Variants in SLC38A11 observed in about 807,000 individuals in gnomAD.
SLC38A11 encodes the protein solute carrier family 38 member 11.
A neutral mutation model predicts 49.4 loss-of-function variants in SLC38A11; 51 were observed. That is an observed-to-expected ratio of 1.03 (90% CI 0.83 to 1.30). SLC38A11 has a LOEUF of 1.30. Ranked by LOEUF, SLC38A11 falls within the 50% of genes most tolerant of loss-of-function variation. The pLI, the probability that SLC38A11 is intolerant of heterozygous loss-of-function variation, is 0.00. For synonymous variants in SLC38A11, 203 were observed against 192.9 expected (o/e 1.05, Z -0.43); for missense variants, 574 against 556.2 (o/e 1.03, Z -0.32).
chr2:164,899,298 A>G (rs1684503448), intron 11 of SLC38A11, among the ~76,000 whole-genome samples: 1 of 152,152 alleles, frequency 6.6e-6, no homozygotes, highest in Non-Finnish European at 1.5e-5. Flanking sequence ...TCTTTCAAAT[A>G]AAAGTAAGCA....
chr2:164,948,777 C>T (rs1338342137), intron 3 of SLC38A11, among the ~76,000 whole-genome samples: 1 of 152,120 alleles, frequency 6.6e-6, no homozygotes, highest in African/African-American at 2.4e-5. Flanking sequence ...CCAACTTCCC[C>T]TCTCTCCATT....
chr2:164,902,033 C>CT (rs60476941), intron 11 of SLC38A11, among the ~76,000 whole-genome samples: 33,347 of 133,260 alleles, frequency 0.25, 5,151 homozygotes, highest in South Asian at 0.47. Context: ...TTTTCTCTCT[C>CT]TTTTTTTTTT....
chr2:164,924,473 CA>C (rs2105476341), intron 7 of SLC38A11, among the ~76,000 whole-genome samples: 1 of 152,278 alleles, frequency 6.6e-6, no homozygotes, highest in Non-Finnish European at 1.5e-5. Context: ...ACCCATGTAA[CA>C]AACCTGCACC....
chr2:164,923,334 G>A (rs1481600207), intron 7 of SLC38A11, among the ~76,000 whole-genome samples: 1 of 152,106 alleles, frequency 6.6e-6, no homozygotes, highest in Admixed American at 6.5e-5. Flanking sequence ...ATATGACAAA[G>A]TTCCAATATC....
chr2:164,901,577 A>G (rs1684653176), intron 11 of SLC38A11, among the ~76,000 whole-genome samples: 1 of 152,166 alleles, frequency 6.6e-6, no homozygotes, highest in South Asian at 2.1e-4. Context: ...TGTGTATAAA[A>G]ATGCTACTGA....
intron 5 of SLC38A11, among the ~76,000 whole-genome samples, chr2:164,941,868 G>C (rs556800726): frequency 2.2e-4 from 33 of 152,056 alleles, no homozygotes; most frequent in African/African-American, 7.7e-4. Context: ...GCATGTTATA[G>C]AACAAGTTGT....
intron 5 of SLC38A11, among the ~76,000 whole-genome samples, chr2:164,943,883 G>T (rs1210738274): frequency 3.3e-5 from 5 of 151,980 alleles, no homozygotes; most frequent in African/African-American, 7.2e-5. Context: ...TTGAGACAGG[G>T]TCTCACTCTG....
At chr2:164,948,313 C>A (rs1047169746) in intron 3 of SLC38A11, among the ~76,000 whole-genome samples, 4 of 152,164 alleles carry the variant, frequency 2.6e-5, no homozygotes, top group Admixed American at 2.6e-4. Context: ...TGATAACAAC[C>A]ACAAACTACT....
chr2:164,919,902 A>T (rs753223738), intron 7 of SLC38A11, among the ~76,000 whole-genome samples: 1 of 152,074 alleles, frequency 6.6e-6, no homozygotes, highest in Non-Finnish European at 1.5e-5. Flanking sequence ...CTCCCCCCTT[A>T]TCTATAGGGT....
intron 1 of SLC38A11, 76 bp downstream of exon 1, chr2:164,955,133 G>C (rs1574031891): frequency 1.4e-6 from 2 of 1,386,284 alleles, no homozygotes; most frequent in East Asian, 5.0e-5. Context: ...GGTGAAGGTA[G>C]GTGACCTGAC....
intron 9 of SLC38A11, among the ~76,000 whole-genome samples, chr2:164,914,046 G>C (rs932794058): frequency 6.6e-6 from 1 of 151,910 alleles, no homozygotes; most frequent in African/African-American, 2.4e-5. Context: ...ACTTTCAGAG[G>C]GTCATGGTTG....
intron 6 of SLC38A11, among the ~76,000 whole-genome samples, chr2:164,938,844 A>G (rs1687553392): frequency 6.6e-6 from 1 of 152,184 alleles, no homozygotes; most frequent in Non-Finnish European, 1.5e-5. Flanking sequence ...TATTTTGGGT[A>G]AAATACAAAT....
chr2:164,942,519 C>T (rs972900131), intron 5 of SLC38A11, among the ~76,000 whole-genome samples: 1 of 151,560 alleles, frequency 6.6e-6, no homozygotes, highest in Non-Finnish European at 1.5e-5. Flanking sequence ...CAAAGAAAAC[C>T]CCCCACAAAA....
chr2:164,897,589 T>A lies in SLC38A11; in HGVS notation c.*848A>T, dbSNP rs1329207180. ...TCTCTCTGAGGAACCCCCAGTGGACTGAGAAAGCTTCTTCTGTAGCCCTGA... is the reference window on the plus strand; with the variant it reads ...TCTCTCTGAGGAACCCCCAGTGGACAGAGAAAGCTTCTTCTGTAGCCCTGA... On this transcript the variant is annotated 3_prime_UTR_variant, in exon 12 of 12. Transcript: ENST00000685975. 1 of 152,248 alleles carries A rather than the reference T, an allele frequency of 6.6e-6. No homozygotes were observed. Among genetic ancestry groups the A allele is most frequent in the Non-Finnish European group, 1.5e-5 (1 of 68,098 alleles). The allele number at this position is 152,248 out of a possible 1,614,324, so 9.4% of individuals were successfully genotyped here.
intron 3 of SLC38A11, among the ~76,000 whole-genome samples, chr2:164,952,052 G>A (rs1688559064): frequency 6.6e-6 from 1 of 152,164 alleles, no homozygotes; most frequent in Admixed American, 6.5e-5. Flanking sequence ...GAGATGGTGG[G>A]ATGACAAGGC....
chr2:164,952,295 C>G (rs368066120), intron 3 of SLC38A11, among the ~76,000 whole-genome samples: 1 of 152,096 alleles, frequency 6.6e-6, no homozygotes, highest in South Asian at 2.1e-4. Flanking sequence ...GGTTGATCAC[C>G]AGAGCTTCAT....
At chr2:164,953,718 G>T (rs1402651525) in intron 2 of SLC38A11, among the ~76,000 whole-genome samples, 1 of 151,956 alleles carries the variant, frequency 6.6e-6, no homozygotes, top group African/African-American at 2.4e-5. Flanking sequence ...AGTAATTCAA[G>T]AGTAAGAAAA....
intron 3 of SLC38A11, among the ~76,000 whole-genome samples, chr2:164,947,098 T>C (rs1439181637): frequency 2.7e-5 from 4 of 149,366 alleles, no homozygotes; most frequent in Non-Finnish European, 4.4e-5. Flanking sequence ...AAGTCCTGGA[T>C]TCTTGGACTT....
Position 164,895,821 on chromosome 2 carries a change from G to T in SLC38A11, c.*2616C>A, listed in dbSNP as rs1387724437. 1 of 152,130 alleles carries T rather than the reference G, an allele frequency of 6.6e-6. No homozygotes were observed. The highest frequency in any genetic ancestry group is 1.5e-5 in the Non-Finnish European group (1 of 68,024). 9.4% of individuals were successfully genotyped at this position (152,130 alleles called of 1,614,324 possible). A position where few individuals can be genotyped will look rare whatever the true frequency, so the allele number is the denominator to read the frequency against. On this transcript the variant is annotated 3_prime_UTR_variant, in exon 12 of 12. Transcript: ENST00000685975. ...TTTGAAGATGGTTCAAGTTAGTTTT[G>T]ATAATAAAGATTCTATAATAAGTGA...
Sources: gnomAD v4.1 joint callset for allele counts (sites outside exome capture counted in the v4.1 genomes callset) on GRCh38, gnomAD v4.1.1 for gene constraint, MANE v1.5 for transcripts, NCBI Gene and HGNC (gene_info 2026-07-23, HGNC 2026-07-21) for gene names.